Variants in TASP1 observed in about 807,000 individuals in gnomAD.
TASP1 encodes threonine aspartase 1.
In TASP1, 16 loss-of-function variants were observed where a neutral mutation model predicts 56.6. That is an observed-to-expected ratio of 0.28 (90% CI 0.19 to 0.43). The LOEUF is 0.43. Ranked by LOEUF, TASP1 falls within the 20% of genes least tolerant of loss-of-function variation. The pLI is 1.00. For synonymous variants in TASP1, 179 were observed against 184.2 expected (o/e 0.97, Z 0.23); for missense variants, 393 against 511.6 (o/e 0.77, Z 2.24).
chr20:13,105,449 A>G, the TASP1 span, among the ~76,000 whole-genome samples: 2 of 151,694 alleles, frequency 1.3e-5, no homozygotes, highest in Non-Finnish European at 2.9e-5. Context: ...AATGTATAAA[A>G]CACAGCGCGG....
At chr20:13,589,563 G>A (rs1271063949) in intron 4 of TASP1, among the ~76,000 whole-genome samples, 5 of 151,928 alleles carry the variant, frequency 3.3e-5, no homozygotes, top group Non-Finnish European at 4.4e-5. Flanking sequence ...AATAGTTTCA[G>A]ATTTGACACC....
At chr20:13,540,833 C>T (rs533715743) in intron 8 of TASP1, among the ~76,000 whole-genome samples, 2 of 152,102 alleles carry the variant, frequency 1.3e-5, no homozygotes, top group South Asian at 4.1e-4. Flanking sequence ...TCGAATTATA[C>T]ACTCAAGATG....
chr20:13,633,863 A>G (rs886425654), intron 1 of TASP1, among the ~76,000 whole-genome samples: 1 of 152,180 alleles, frequency 6.6e-6, no homozygotes, highest in Non-Finnish European at 1.5e-5. Flanking sequence ...AATCACTTTA[A>G]TAATGGCTTT....
At chr20:13,142,840 C>T in the TASP1 span, among the ~76,000 whole-genome samples, 8 of 152,144 alleles carry the variant, frequency 5.3e-5, no homozygotes, top group East Asian at 1.9e-4. Flanking sequence ...TGGCTGTTTC[C>T]GTCTCATGAG....
the TASP1 span, chr20:13,164,885 G>A: frequency 6.3e-7 from 1 of 1,592,710 alleles, no homozygotes; most frequent in East Asian, 2.3e-5. Context: ...GGTCCTGAAT[G>A]ACACATAAAG....
At chr20:13,393,645 C>A in intron 13 of TASP1, 1 of 1,297,130 alleles carries the variant, frequency 7.7e-7, no homozygotes, top group Non-Finnish European at 1.1e-6. Context: ...GGTGGTGGAC[C>A]TCATGGCCCA....
At chr20:13,456,250 A>C (rs2043829262) in intron 11 of TASP1, among the ~76,000 whole-genome samples, 1 of 152,114 alleles carries the variant, frequency 6.6e-6, no homozygotes. Flanking sequence ...AAGAATGATA[A>C]ATCTGCTTAT....
intron 1 of TASP1, among the ~76,000 whole-genome samples, chr20:13,630,519 T>C (rs1256638775): frequency 6.6e-6 from 1 of 151,556 alleles, no homozygotes; most frequent in African/African-American, 2.4e-5. Flanking sequence ...TGAAACCTCA[T>C]CTCTACTAAA....
chr20:13,512,807 G>C (rs2044386246), intron 10 of TASP1, among the ~76,000 whole-genome samples: 1 of 152,164 alleles, frequency 6.6e-6, no homozygotes, highest in Non-Finnish European at 1.5e-5. Flanking sequence ...TCCAGTTTCA[G>C]CCTTCTACAT....
the TASP1 span, among the ~76,000 whole-genome samples, chr20:13,344,730 C>T: frequency 2.0e-5 from 3 of 152,294 alleles, no homozygotes; most frequent in Non-Finnish European, 4.4e-5. Context: ...TCCTCATGTT[C>T]CCCGAGGGCC....
chr20:13,567,568 A>T (rs989580886), intron 7 of TASP1, among the ~76,000 whole-genome samples: 36 of 149,972 alleles, frequency 2.4e-4, no homozygotes, highest in African/African-American at 7.8e-4. Context: ...ATAAAGAATT[A>T]AAAAAAAAAT....
At chr20:13,119,637 C>T in the TASP1 span, among the ~76,000 whole-genome samples, 263 of 152,236 alleles carry the variant, frequency 1.7e-3, 3 homozygotes, top group African/African-American at 6.1e-3. Flanking sequence ...CTCCTTTTTC[C>T]TCCCCACCTT....
Position 13,389,660 on chromosome 20 carries a change from T to C in TASP1, c.*700A>G, listed in dbSNP as rs773684804. The C allele has an allele frequency of 1.3e-5, 2 of 152,734 alleles. No individual in the cohort carries two copies. The highest frequency in any genetic ancestry group is 2.9e-5 in the Non-Finnish European group (2 of 68,106). The allele number at this position is 152,734 out of a possible 1,614,324, so 9.5% of individuals were successfully genotyped here. A position where few individuals can be genotyped will look rare whatever the true frequency, so the allele number is the denominator to read the frequency against. ...ATATAGTCCATACAGCTCGAAGCTATGCAATATTTAAGCTTAGAAAAGCTT... is the reference window on the plus strand; with the variant it reads ...ATATAGTCCATACAGCTCGAAGCTACGCAATATTTAAGCTTAGAAAAGCTT... On this transcript the variant is annotated 3_prime_UTR_variant, in exon 14 of 14. Transcript: ENST00000337743.
the TASP1 span, among the ~76,000 whole-genome samples, chr20:13,106,374 C>T: frequency 2.6e-5 from 4 of 152,136 alleles, no homozygotes; most frequent in Non-Finnish European, 4.4e-5. Context: ...AAACGAACAT[C>T]GCGATGAGTG....
the TASP1 span, chr20:13,279,506 A>C: frequency 1.1e-6 from 1 of 885,318 alleles, no homozygotes; most frequent in East Asian, 2.7e-5. Flanking sequence ...TCGCCATGCA[A>C]TCTCAGCTTT....
chr20:13,393,860 G>A (rs1361547558), intron 13 of TASP1, among the ~76,000 whole-genome samples: 1 of 151,314 alleles, frequency 6.6e-6, no homozygotes, highest in East Asian at 1.9e-4. Context: ...CATGAATAAA[G>A]TCCCCTGCGC....
chr20:13,432,820 A>T (rs991896805), intron 12 of TASP1, among the ~76,000 whole-genome samples: 3 of 152,156 alleles, frequency 2.0e-5, no homozygotes, highest in African/African-American at 4.8e-5. Context: ...AACCAAAAAG[A>T]CATTACAGTT....
chr20:13,426,016 T>C (rs2042606664), intron 12 of TASP1, among the ~76,000 whole-genome samples: 1 of 152,142 alleles, frequency 6.6e-6, no homozygotes, highest in South Asian at 2.1e-4. Context: ...AAAATAATCA[T>C]TCCCTCTTTC....
the TASP1 span, among the ~76,000 whole-genome samples, chr20:13,232,157 T>A: frequency 2.6e-5 from 4 of 152,198 alleles, no homozygotes; most frequent in African/African-American, 9.7e-5. Flanking sequence ...ATTATTTTTT[T>A]AAATACAGCT....
Sources: gnomAD v4.1 joint callset for allele counts (sites outside exome capture counted in the v4.1 genomes callset) on GRCh38, gnomAD v4.1.1 for gene constraint, MANE v1.5 for transcripts, NCBI Gene and HGNC (gene_info 2026-07-23, HGNC 2026-07-21) for gene names.